OLFM3: variants seen among roughly 807,000 people sequenced by gnomAD.
OLFM3 encodes noelin-3.
A neutral mutation model predicts 48.6 loss-of-function variants in OLFM3; 20 were observed. The ratio of observed to expected loss-of-function variants is 0.41; its 90% CI spans 0.29 to 0.60. The LOEUF (loss-of-function observed/expected upper bound fraction) is 0.60. OLFM3 is among the 20% of genes least tolerant of loss of function. The pLI, the probability that OLFM3 is intolerant of heterozygous loss-of-function variation, is 0.28. For synonymous variants in OLFM3, 222 were observed against 198.1 expected (o/e 1.12, Z -1.01); for missense variants, 437 against 544.3 (o/e 0.80, Z 1.96).
At chr1:101,816,363 C>A (rs927195108) in intron 4 of OLFM3, among the ~76,000 whole-genome samples, 3 of 152,010 alleles carry the variant, frequency 2.0e-5, no homozygotes, top group African/African-American at 7.2e-5. Context: ...TAGTAGGGAG[C>A]AATACGCTGA....
chr1:101,823,889 C>A (rs916787920), intron 4 of OLFM3, among the ~76,000 whole-genome samples: 1 of 151,958 alleles, frequency 6.6e-6, no homozygotes, highest in Admixed American at 6.6e-5. Context: ...TCTTAGAAAT[C>A]CTGGTATGAT....
chr1:101,820,849 A>G (rs1207798874), intron 4 of OLFM3, among the ~76,000 whole-genome samples: 1 of 152,088 alleles, frequency 6.6e-6, no homozygotes, highest in Non-Finnish European at 1.5e-5. Context: ...TTGTAATTTT[A>G]TTGTTTCTCT....
chr1:101,861,340 GCA>G, intron 1 of OLFM3, among the ~76,000 whole-genome samples: 1 of 150,548 alleles, frequency 6.6e-6, no homozygotes. Context: ...GGGATTACAG[GCA>G]TGAGCCACCG....
At chr1:101,885,164 G>A (rs1284995088) in intron 1 of OLFM3, among the ~76,000 whole-genome samples, 1 of 151,942 alleles carries the variant, frequency 6.6e-6, no homozygotes, top group African/African-American at 2.4e-5. Context: ...CTATGAAAGA[G>A]ATTGTGGATA....
chr1:101,830,586 C>T, intron 3 of OLFM3, 86 bp downstream of exon 3: 1 of 1,406,052 alleles, frequency 7.1e-7, no homozygotes, highest in Non-Finnish European at 1.0e-6. Flanking sequence ...GGCCAATGCA[C>T]ATTCATTTCT....
chr1:101,920,500 C>T (rs1659060464), intron 1 of OLFM3, among the ~76,000 whole-genome samples: 1 of 152,184 alleles, frequency 6.6e-6, no homozygotes, highest in South Asian at 2.1e-4. Context: ...TTGTCTAAAA[C>T]TAAATGTGAA....
chr1:101,933,515 G>A (rs907045209), intron 1 of OLFM3, among the ~76,000 whole-genome samples: 1 of 152,032 alleles, frequency 6.6e-6, no homozygotes, highest in Non-Finnish European at 1.5e-5. Context: ...AAAAGGGAAA[G>A]AAAGCAAGCA....
At chr1:101,976,281 C>T (rs1453945073) in intron 1 of OLFM3, among the ~76,000 whole-genome samples, 1 of 152,152 alleles carries the variant, frequency 6.6e-6, no homozygotes, top group Non-Finnish European at 1.5e-5. Context: ...ATGTAAGGAA[C>T]TCTGACCTGG....
intron 1 of OLFM3, among the ~76,000 whole-genome samples, chr1:101,899,769 GAATA>G (rs1658330484): frequency 6.6e-6 from 1 of 152,004 alleles, no homozygotes; most frequent in Non-Finnish European, 1.5e-5. Context: ...AAAATGGAAT[GAATA>G]AATACATTTA....
intron 1 of OLFM3, among the ~76,000 whole-genome samples, chr1:101,841,915 C>A (rs1472270770): frequency 6.6e-6 from 1 of 151,954 alleles, no homozygotes; most frequent in African/African-American, 2.4e-5. Flanking sequence ...ATGAAAAATC[C>A]CTGATAAATT....
rs989881153 is a variant in OLFM3, at chr1:101,917,378, C to T, written c.69+79370G>A. 5.7e-4 allele frequency among the ~76,000 whole-genome samples: 87 copies of T among 152,110 alleles called. 1 individual carries two copies. The highest frequency in any genetic ancestry group is 2.0e-3 in the African/African-American group (84 of 41,470). ...TTGTTAGTGTTTCTTTTTGTAAACACTGCACCAAAAATAAAAATAAAAGCC... is the reference window on the plus strand; with the variant it reads ...TTGTTAGTGTTTCTTTTTGTAAACATTGCACCAAAAATAAAAATAAAAGCC... On this transcript the variant is annotated intron_variant, in intron 1 of 5. Transcript: ENST00000370103.
intron 1 of OLFM3, among the ~76,000 whole-genome samples, chr1:101,995,320 C>G (rs1661527707): frequency 6.6e-6 from 1 of 151,952 alleles, no homozygotes; most frequent in South Asian, 2.1e-4. Flanking sequence ...TAGAATGTGT[C>G]ACTACAGGGT....
intron 1 of OLFM3, among the ~76,000 whole-genome samples, chr1:101,916,254 C>T (rs1384003451): frequency 4.6e-5 from 7 of 152,112 alleles, no homozygotes; most frequent in Non-Finnish European, 1.0e-4. Flanking sequence ...TCATTCCCCT[C>T]TTTCAGGTGA....
At chr1:101,841,699 G>A (rs1163144586) in intron 1 of OLFM3, among the ~76,000 whole-genome samples, 2 of 152,208 alleles carry the variant, frequency 1.3e-5, no homozygotes, top group Non-Finnish European at 2.9e-5. Flanking sequence ...GACAGGCAAA[G>A]TAAGAGAATT....
intron 1 of OLFM3, among the ~76,000 whole-genome samples, chr1:101,851,542 T>A (rs1656221350): frequency 6.6e-6 from 1 of 152,118 alleles, no homozygotes; most frequent in Non-Finnish European, 1.5e-5. Flanking sequence ...TATGCTGTCT[T>A]GCAATTCAGT....
intron 1 of OLFM3, among the ~76,000 whole-genome samples, chr1:101,925,628 C>T (rs113260702): frequency 1.0e-3 from 154 of 152,206 alleles, no homozygotes; most frequent in African/African-American, 3.3e-3. Flanking sequence ...AAGAAATTCT[C>T]CTGCTTCAGC....
At chr1:101,918,131 C>T (rs1658982060) in intron 1 of OLFM3, among the ~76,000 whole-genome samples, 1 of 152,094 alleles carries the variant, frequency 6.6e-6, no homozygotes, top group Non-Finnish European at 1.5e-5. Flanking sequence ...ATTGAACAAC[C>T]ACTATAGGCA....
At chr1:101,856,125 T>A (rs1570566643) in intron 1 of OLFM3, among the ~76,000 whole-genome samples, 1 of 152,100 alleles carries the variant, frequency 6.6e-6, no homozygotes, top group South Asian at 2.1e-4. Flanking sequence ...GTTACACTGT[T>A]TGTCATCATT....
chr1:101,826,154 A>ACACACACACACACACG (rs1654855918), intron 3 of OLFM3, among the ~76,000 whole-genome samples: 1 of 151,660 alleles, frequency 6.6e-6, no homozygotes. Flanking sequence ...ACACACACAC[A>ACACACACACACACACG]CACACACACA....
Sources: allele counts gnomAD v4.1 joint callset (sites outside exome capture counted in the v4.1 genomes callset), GRCh38; gene constraint gnomAD v4.1.1; transcripts MANE v1.5; gene names NCBI Gene and HGNC (gene_info 2026-07-23, HGNC 2026-07-21).